Variants in CRCP observed in about 807,000 individuals in gnomAD.
The protein encoded by CRCP is DNA-directed RNA polymerase III subunit RPC9.
CRCP carries 18 observed loss-of-function variants against 18.5 expected under a neutral mutation model. The observed-to-expected ratio is 0.97, with a 90% CI of 0.67 to 1.44. CRCP has a LOEUF of 1.44. CRCP is among the 40% of genes most tolerant of loss of function. The pLI is 0.00. For synonymous variants in CRCP, 53 were observed against 62.9 expected (o/e 0.84, Z 0.75); for missense variants, 130 against 176.4 (o/e 0.74, Z 1.49).
chr7:66,127,932 G>A (rs1787663956), intron 2 of CRCP, among the ~76,000 whole-genome samples, 192 bp downstream of exon 2: 1 of 152,044 alleles, frequency 6.6e-6, no homozygotes, highest in Non-Finnish European at 1.5e-5. Context: ...CCAACATGGT[G>A]AAACCCAGTC....
chr7:66,119,808 A>G (rs1787377285), intron 1 of CRCP: 1 of 152,240 alleles, frequency 6.6e-6, no homozygotes, highest in African/African-American at 2.4e-5. Flanking sequence ...AATGACAAAA[A>G]GCAGTCTATC....
chr7:66,133,433 A>G (rs1787869563), intron 3 of CRCP, among the ~76,000 whole-genome samples: 1 of 151,526 alleles, frequency 6.6e-6, no homozygotes, highest in South Asian at 2.1e-4. Flanking sequence ...GTGTGAACCC[A>G]GGAGGCGGAG....
chr7:66,138,792 C>CAA (rs35447994), intron 4 of CRCP, among the ~76,000 whole-genome samples: 65,113 of 130,796 alleles, frequency 0.5, 16,168 homozygotes, highest in African/African-American at 0.52. Flanking sequence ...GACTCCGTCT[C>CAA]AAAAAAAAAA....
At chr7:66,126,619 A>T (rs1214767439) in intron 1 of CRCP, 1 of 429,902 alleles carries the variant, frequency 2.3e-6, no homozygotes, top group South Asian at 1.7e-5. Context: ...ATCTTTTACA[A>T]ATAATAGCCT....
In CRCP at chr7:66,152,216, A is replaced by G; in HGVS notation, c.306A>G (p.Glu102=). Reference sequence around the variant, plus strand: ...TTTCTTTCCTTCTGCAGATGGTGGAAGAGAGTGAAGAGCGGCTCACGGAGG... The same window carrying G: ...TTTCTTTCCTTCTGCAGATGGTGGAGGAGAGTGAAGAGCGGCTCACGGAGG... ...VTAVEIQLMV[E]ESEERLTEEQ... Residue 102 remains glutamate (E), a synonymous_variant, in exon 6 of 6, where the codon GAA becomes GAG. Coordinates refer to ENST00000395326, the MANE Select transcript of CRCP (RefSeq NM_014478.5). The G allele has an allele frequency of 6.2e-7, 1 of 1,614,096 alleles. No homozygotes were observed. The highest frequency in any genetic ancestry group is 8.5e-7 in the Non-Finnish European group (1 of 1,179,978).
At chr7:66,138,673 A>G (rs1052037294) in intron 4 of CRCP, among the ~76,000 whole-genome samples, 9 of 149,074 alleles carry the variant, frequency 6.0e-5, no homozygotes, top group Non-Finnish European at 1.0e-4. Flanking sequence ...GGGCGCCTGT[A>G]GTCCCAGCTA....
At chr7:66,138,959 AT>A (rs1222225488) in intron 4 of CRCP, among the ~76,000 whole-genome samples, 9 of 152,008 alleles carry the variant, frequency 5.9e-5, no homozygotes, top group Admixed American at 3.9e-4. Flanking sequence ...GTTCTCAGCT[AT>A]TTTTGAAATA....
chr7:66,117,130 A>C (rs992348007), intron 1 of CRCP, among the ~76,000 whole-genome samples: 83 of 152,064 alleles, frequency 5.5e-4, no homozygotes, highest in African/African-American at 1.8e-3. Flanking sequence ...AAAAAAAAAA[A>C]AAAAAAACCT....
Position 66,124,646 on chromosome 7 carries a change from G to A in CRCP, c.9-3058G>A, listed in dbSNP as rs762856451. 3.7e-4 allele frequency among the ~76,000 whole-genome samples: 57 copies of A among 152,048 alleles called. 1 individual carries two copies. The highest frequency in any genetic ancestry group is 1.3e-4 in the Non-Finnish European group (9 of 68,016). On this transcript the variant is annotated intron_variant, in intron 1 of 5. Transcript: ENST00000395326. Reference sequence around the variant, plus strand: ...GATCCTCCTGTCTCAGCCCGGAGTAGCTGGGATGACAGGTGTGAGCCACAA... The same window carrying A: ...GATCCTCCTGTCTCAGCCCGGAGTAACTGGGATGACAGGTGTGAGCCACAA...
At chr7:66,148,856 G>A (rs1788375002) in intron 5 of CRCP, among the ~76,000 whole-genome samples, 1 of 152,170 alleles carries the variant, frequency 6.6e-6, no homozygotes, top group Admixed American at 6.6e-5. Flanking sequence ...TTTTGTCCTC[G>A]CTGTAGGCGT....
rs536288331 is a variant in CRCP, at chr7:66,154,221, C to G, written c.*1864C>G. 4 of 148,780 alleles carry G rather than the reference C, an allele frequency of 2.7e-5. No homozygotes were observed. Among genetic ancestry groups the G allele is most frequent in the Admixed American group, 2.0e-4 (3 of 14,890 alleles). The allele number at this position is 148,780 out of a possible 1,614,324, so 9.2% of individuals were successfully genotyped here. A position where few individuals can be genotyped will look rare whatever the true frequency, so the allele number is the denominator to read the frequency against. On this transcript the variant is annotated 3_prime_UTR_variant, in exon 6 of 6. Transcript: ENST00000395326. ...TTTTGAGACAGTCTCGCTGTGTTGC[C>G]CAGGAGTGCAGTGGCACGATCTCTG...
intron 1 of CRCP, among the ~76,000 whole-genome samples, chr7:66,116,488 TAAAAAA>T (rs34037462): frequency 4.9e-4 from 66 of 135,140 alleles, no homozygotes; most frequent in African/African-American, 1.6e-3. Context: ...GGCTCTGTCT[TAAAAAA>T]AAAAAAAAAA....
chr7:66,131,836 C>T (rs1480506631), intron 3 of CRCP, among the ~76,000 whole-genome samples: 1 of 151,362 alleles, frequency 6.6e-6, no homozygotes, highest in Non-Finnish European at 1.5e-5. Flanking sequence ...GGCGCAACCT[C>T]GGCTCACCTC....
intron 1 of CRCP, among the ~76,000 whole-genome samples, chr7:66,116,846 C>T (rs1397333341): frequency 1.3e-5 from 2 of 152,026 alleles, no homozygotes; most frequent in African/African-American, 4.8e-5. Flanking sequence ...ACCAGCGGGG[C>T]GTGGTGGCTC....
Position 66,126,292 on chromosome 7 carries a change from A to G in CRCP, c.9-1412A>G, listed in dbSNP as rs570950092. On this transcript the variant is annotated intron_variant, in intron 1 of 5. Transcript: ENST00000395326. ...TCACCTATCTGGCCCATGCTTTTGA[A>G]GTCTTGGGTCATCATTTGGATCATC... Among the ~76,000 whole-genome samples the G allele has an allele frequency of 4.4e-4, 66 of 149,250 alleles. 2 individuals carry two copies. The highest frequency in any genetic ancestry group is 2.6e-3 in the Admixed American group (38 of 14,884).
chr7:66,141,439 A>G (rs1179636640), intron 4 of CRCP, among the ~76,000 whole-genome samples: 1 of 152,024 alleles, frequency 6.6e-6, no homozygotes, highest in African/African-American at 2.4e-5. Flanking sequence ...TCCAGAAAGC[A>G]TGGACTTCTT....
rs140992849 is a variant in CRCP, at chr7:66,117,953, C to T, written c.8+2983C>T. ...TCTGGTATACTTTCCTCCTCGCCCT[C>T]GTCCTGTTCTCTTCTTTTTATTGTT... On this transcript the variant is annotated intron_variant, in intron 1 of 5. Transcript: ENST00000395326. Among the ~76,000 whole-genome samples the T allele has an allele frequency of 4.6e-5, 7 of 152,202 alleles. No homozygotes were observed. In the East Asian group the frequency reaches 9.7e-4, roughly 21 times the overall value.
At position 66,153,377 on chromosome 7, in the gene CRCP, T is replaced by G. The variant is rs188186351; in HGVS notation, c.*1020T>G. 6.6e-6 allele frequency: 1 copy of G among 152,176 alleles called. No individual in the cohort carries two copies. The highest frequency in any genetic ancestry group is 2.4e-5 in the African/African-American group (1 of 41,484). 9.4% of individuals were successfully genotyped at this position (152,176 alleles called of 1,614,324 possible). On this transcript the variant is annotated 3_prime_UTR_variant, in exon 6 of 6. Transcript: ENST00000395326. ...TCGCTTGAACCCGGGAGGCAGAGGTTGAGGTGAGCCAAGATTGCACCATTG... is the reference window on the plus strand; with the variant it reads ...TCGCTTGAACCCGGGAGGCAGAGGTGGAGGTGAGCCAAGATTGCACCATTG...
chr7:66,122,299 C>G (rs550516223), intron 1 of CRCP, among the ~76,000 whole-genome samples: 1 of 142,658 alleles, frequency 7.0e-6, no homozygotes, highest in East Asian at 2.3e-4. Context: ...GGCATGAACC[C>G]GGGTGGCGGA....
Sources: allele counts gnomAD v4.1 joint callset (sites outside exome capture counted in the v4.1 genomes callset), GRCh38; gene constraint gnomAD v4.1.1; transcripts MANE v1.5; gene names NCBI Gene and HGNC (gene_info 2026-07-23, HGNC 2026-07-21).